EML4: variants seen among roughly 807,000 people sequenced by gnomAD.
EML4 encodes echinoderm microtubule-associated protein-like 4.
A neutral mutation model predicts 129.0 loss-of-function variants in EML4; 72 were observed. The observed-to-expected ratio is 0.56, with a 90% CI of 0.46 to 0.68. The LOEUF (loss-of-function observed/expected upper bound fraction) is 0.68, where lower values mean the gene tolerates loss of function less well. EML4 is among the 30% of genes least tolerant of loss of function. The pLI is 0.00. For missense variants in EML4, 1,363 were observed against 1,190.6 expected, an observed-to-expected ratio of 1.14 and a Z score of -2.13; for synonymous variants, 532 against 405.0, an observed-to-expected ratio of 1.31 and a Z score of -3.77.
intron 2 of EML4, among the ~76,000 whole-genome samples, chr2:42,246,193 T>A (rs1240234871): frequency 6.6e-6 from 1 of 152,166 alleles, no homozygotes; most frequent in African/African-American, 2.4e-5. Flanking sequence ...AACTTTCCAG[T>A]ATTGGGAGTT....
intron 17 of EML4, among the ~76,000 whole-genome samples, chr2:42,308,901 T>A (rs1372043916): frequency 6.6e-6 from 1 of 152,238 alleles, no homozygotes; most frequent in East Asian, 1.9e-4. Flanking sequence ...CCACGTTAAG[T>A]ACTTCATATA....
chr2:42,328,182 T>C (rs988519537), intron 21 of EML4, among the ~76,000 whole-genome samples: 2 of 152,222 alleles, frequency 1.3e-5, no homozygotes, highest in African/African-American at 4.8e-5. Context: ...CAAAAACATA[T>C]TTGTTCTCTA....
At chr2:42,188,264 A>C (rs1671378890) in intron 1 of EML4, among the ~76,000 whole-genome samples, 1 of 152,178 alleles carries the variant, frequency 6.6e-6, no homozygotes, top group African/African-American at 2.4e-5. Context: ...AAATTTTTAT[A>C]TATTTGAAAA....
At chr2:42,228,690 A>G (rs1674132354) in intron 1 of EML4, among the ~76,000 whole-genome samples, 1 of 152,162 alleles carries the variant, frequency 6.6e-6, no homozygotes, top group South Asian at 2.1e-4. Context: ...TCTCCTGGTA[A>G]AAATTGACTG....
rs75993562 is a variant in EML4 at position 42,182,715 on chromosome 2, C to T, written c.25+13079C>T. Among the ~76,000 whole-genome samples the T allele has an allele frequency of 4.8e-3, 728 of 152,260 alleles. 4 individuals are homozygous for T. The highest frequency in any genetic ancestry group is 7.5e-3 in the Non-Finnish European group (513 of 68,018). On this transcript the variant is annotated intron_variant, in intron 1 of 22. Coordinates refer to ENST00000318522, the MANE Select transcript of EML4 (RefSeq NM_019063.5). ...TTACATGTCTATTGGTCTGCTAGAG[C>T]TACCATACAAAATTACCACAGACTG...
At chr2:42,306,200 A>G (rs1040067380) in intron 17 of EML4, among the ~76,000 whole-genome samples, 4 of 152,180 alleles carry the variant, frequency 2.6e-5, no homozygotes, top group African/African-American at 7.2e-5. Context: ...AGACTTGGAC[A>G]TTTGTCCATT....
chr2:42,245,676 T>C lies in EML4; in HGVS notation c.197T>C (p.Val66Ala), dbSNP rs1264403069. The change falls in exon 2 of 23, where the codon GTC (valine) becomes GCC (alanine). Residue 66 changes from valine (V) to alanine (A), a missense_variant. By Grantham distance (64) the Val-to-Ala change is moderately conservative. Transcript: ENST00000318522. Reference sequence around the variant, plus strand: ...CATGTGGCCTCAGTGAAAAAATCAGTCTCAAGTAAAGGTAATTGTGTTGTA... The same window carrying C: ...CATGTGGCCTCAGTGAAAAAATCAGCCTCAAGTAAAGGTAATTGTGTTGTA... ...EDHVASVKKS[V>A]SSKGQPSPRA... 6.2e-7 allele frequency: 1 copy of C among 1,608,708 alleles called. No individual in the cohort carries two copies. The highest frequency in any genetic ancestry group is 1.7e-5 in the Admixed American group (1 of 59,402).
At chr2:42,238,413 A>G (rs1219192088) in intron 1 of EML4, among the ~76,000 whole-genome samples, 1 of 152,154 alleles carries the variant, frequency 6.6e-6, no homozygotes, top group Admixed American at 6.5e-5. Context: ...CCCAACTGCA[A>G]AGAGGTAAGG....
chr2:42,241,138 C>T (rs1675004586), intron 1 of EML4, among the ~76,000 whole-genome samples: 1 of 151,158 alleles, frequency 6.6e-6, no homozygotes, highest in South Asian at 2.1e-4. Flanking sequence ...GCCTGGTCGA[C>T]AGAGTGAGTC....
intron 3 of EML4, among the ~76,000 whole-genome samples, chr2:42,259,674 G>T (rs1665585346): frequency 6.6e-6 from 1 of 150,620 alleles, no homozygotes; most frequent in East Asian, 1.9e-4. Context: ...TCTGGCAGAA[G>T]AGTATGTTAG....
chr2:42,203,782 C>T (rs1672378130), intron 1 of EML4, among the ~76,000 whole-genome samples: 1 of 151,604 alleles, frequency 6.6e-6, no homozygotes, highest in South Asian at 2.1e-4. Flanking sequence ...ACAAAAAGGC[C>T]TGGACCTCAA....
At chr2:42,210,678 A>G (rs1458352629) in intron 1 of EML4, among the ~76,000 whole-genome samples, 1 of 151,980 alleles carries the variant, frequency 6.6e-6, no homozygotes, top group African/African-American at 2.4e-5. Context: ...GGACTCATGG[A>G]TATTTTGCAC....
At chr2:42,218,252 A>T (rs1259282331) in intron 1 of EML4, among the ~76,000 whole-genome samples, 2 of 151,970 alleles carry the variant, frequency 1.3e-5, no homozygotes, top group Non-Finnish European at 2.9e-5. Context: ...CCTTATGAGA[A>T]TCTAATGCCT....
At chr2:42,305,743 T>C (rs930418415) in intron 17 of EML4, among the ~76,000 whole-genome samples, 18 of 152,222 alleles carry the variant, frequency 1.2e-4, no homozygotes, top group African/African-American at 4.1e-4. Context: ...ATTAAACTCA[T>C]TAAAAAATGT....
In EML4 at chr2:42,295,425, G is replaced by T. The variant is rs1253514672; in HGVS notation, c.1398G>T (p.Gly466=). Residue 466 remains glycine (G), a synonymous_variant, in exon 13 of 23, where the codon GGG becomes GGT. Transcript: ENST00000318522. The part of the protein sequence containing the change: ...PKFVQCLAFL[G]NGDVLTGDSG... ...TTGTGCAGTGTTTAGCATTCTTGGG[G>T]AATGGAGATGTTCTTACTGGAGACT... 1 of 1,614,018 alleles carries T rather than the reference G, an allele frequency of 6.2e-7. No individual in the cohort carries two copies. The highest frequency in any genetic ancestry group is 8.5e-7 in the Non-Finnish European group (1 of 1,179,916).
intron 1 of EML4, among the ~76,000 whole-genome samples, chr2:42,235,245 G>A (rs994594947): frequency 1.3e-5 from 2 of 151,144 alleles, no homozygotes; most frequent in East Asian, 1.9e-4. Context: ...GCAGTGAGCC[G>A]AGATCGCACC....
At chr2:42,206,494 C>G (rs1226288743) in intron 1 of EML4, among the ~76,000 whole-genome samples, 1 of 152,306 alleles carries the variant, frequency 6.6e-6, no homozygotes, top group South Asian at 2.1e-4. Context: ...GGATTATAGA[C>G]GTGGGCACTG....
intron 11 of EML4, among the ~76,000 whole-genome samples, chr2:42,290,326 T>C (rs1052491347): frequency 2.6e-5 from 4 of 152,124 alleles, no homozygotes; most frequent in Admixed American, 6.5e-5. Flanking sequence ...GGAGTTGATA[T>C]ATAACTTTTT....
chr2:42,224,037 G>T (rs915765529), intron 1 of EML4, among the ~76,000 whole-genome samples: 1 of 151,898 alleles, frequency 6.6e-6, no homozygotes, highest in Non-Finnish European at 1.5e-5. Context: ...GGGTTTTTTT[G>T]TTGTTTTTGT....
Sources: gnomAD v4.1 joint callset for allele counts (sites outside exome capture counted in the v4.1 genomes callset) on GRCh38, gnomAD v4.1.1 for gene constraint, MANE v1.5 for transcripts, NCBI Gene and HGNC (gene_info 2026-07-23, HGNC 2026-07-21) for gene names.